The following SHTN1 variants were observed in gnomAD, a reference collection of about 807,000 sequenced individuals.
SHTN1 encodes shootin-1.
SHTN1 carries 42 observed loss-of-function variants against 83.1 expected under a neutral mutation model. The observed-to-expected ratio is 0.51, with a 90% CI of 0.39 to 0.65. SHTN1 has a LOEUF of 0.65. Ranked by LOEUF, SHTN1 falls within the 30% of genes least tolerant of loss-of-function variation. The pLI is 0.00. For missense variants in SHTN1, 622 were observed against 737.8 expected (o/e 0.84, Z 1.82); for synonymous variants, 224 against 247.7 (o/e 0.90, Z 0.90).
At chr10:116,986,930 T>C (rs924880608) in intron 1 of SHTN1, among the ~76,000 whole-genome samples, 1 of 151,948 alleles carries the variant, frequency 6.6e-6, no homozygotes, top group African/African-American at 2.4e-5. Flanking sequence ...GGTTTCACCA[T>C]GTTGGTCAGG....
At chr10:116,947,910 T>C (rs1183340889) in intron 7 of SHTN1, among the ~76,000 whole-genome samples, 1 of 152,172 alleles carries the variant, frequency 6.6e-6, no homozygotes, top group Non-Finnish European at 1.5e-5. Flanking sequence ...CAATCCAGCA[T>C]ATTGCCCACA....
At chr10:116,933,650 T>A (rs150446206) in intron 9 of SHTN1, among the ~76,000 whole-genome samples, 4 of 152,166 alleles carry the variant, frequency 2.6e-5, no homozygotes, top group African/African-American at 9.7e-5. Flanking sequence ...GTCTTTATAG[T>A]AGAACAATTT....
Position 116,983,293 on chromosome 10 carries a change from T to C in SHTN1, c.59-3985A>G, listed in dbSNP as rs553656894. Among the ~76,000 whole-genome samples, 111 of 152,244 alleles carry C rather than the reference T, an allele frequency of 7.3e-4. 2 individuals are homozygous for C. The South Asian group carries it at 0.022, about 30-fold the overall frequency. On this transcript the variant is annotated intron_variant, in intron 1 of 16. Coordinates refer to ENST00000355371, the MANE Select transcript of SHTN1 (RefSeq NM_001127211.3). ...AGAGTATTTGGGCTTATTAACTGTTTAAAACATGTTAGCTATGGTTATTAT... is the reference window on the plus strand; with the variant it reads ...AGAGTATTTGGGCTTATTAACTGTTCAAAACATGTTAGCTATGGTTATTAT...
At chr10:117,024,363 T>C (rs893420952) in intron 2 of SHTN1, among the ~76,000 whole-genome samples, 2 of 145,092 alleles carry the variant, frequency 1.4e-5, no homozygotes, top group Non-Finnish European at 3.0e-5. Flanking sequence ...TTTTTTTTTT[T>C]TTTTTTTTTG....
At chr10:117,013,988 G>A (rs1852144547) in intron 2 of SHTN1, among the ~76,000 whole-genome samples, 2 of 151,970 alleles carry the variant, frequency 1.3e-5, no homozygotes, top group Admixed American at 6.6e-5. Context: ...GCTACTGAGT[G>A]GATACAGTGT....
At chr10:117,087,812 T>A (rs1853371693) in intron 1 of SHTN1, among the ~76,000 whole-genome samples, 1 of 152,158 alleles carries the variant, frequency 6.6e-6, no homozygotes, top group South Asian at 2.1e-4. Flanking sequence ...TGCAACAGAT[T>A]AGCATCCTAA....
At chr10:117,004,416 C>A (rs191680083) in intron 1 of SHTN1, among the ~76,000 whole-genome samples, 3 of 152,052 alleles carry the variant, frequency 2.0e-5, no homozygotes, top group Non-Finnish European at 4.4e-5. Context: ...CTTCGCCCAG[C>A]GTCAACCCTG....
intron 2 of SHTN1, among the ~76,000 whole-genome samples, chr10:117,017,407 C>A (rs1166034465): frequency 1.3e-5 from 2 of 148,554 alleles, no homozygotes; most frequent in South Asian, 4.2e-4. Flanking sequence ...AGGAGAATGG[C>A]GTGAACCCGG....
chr10:116,956,164 T>C (rs1849971131), intron 4 of SHTN1, among the ~76,000 whole-genome samples: 1 of 152,230 alleles, frequency 6.6e-6, no homozygotes, highest in Admixed American at 6.5e-5. Context: ...GCCATCAGAA[T>C]CTCTGGAGAG....
At chr10:117,088,992 G>A (rs1471825060) in intron 1 of SHTN1, among the ~76,000 whole-genome samples, 1 of 152,116 alleles carries the variant, frequency 6.6e-6, no homozygotes, top group Admixed American at 6.5e-5. Context: ...CATTATTATT[G>A]AGTGCTGGTG....
intron 1 of SHTN1, among the ~76,000 whole-genome samples, chr10:117,085,105 G>C (rs971377157): frequency 5.9e-5 from 9 of 152,064 alleles, no homozygotes; most frequent in African/African-American, 2.2e-4. Flanking sequence ...AACAGCTTTT[G>C]GTTTCATTGA....
intron 16 of SHTN1, chr10:116,900,872 T>C (rs968398471): frequency 9.1e-6 from 9 of 985,056 alleles, no homozygotes; most frequent in Non-Finnish European, 1.1e-5. Context: ...AAAAAGTTAA[T>C]AGTAGCAATG....
At chr10:116,893,037 C>T (rs1247249563) in intron 16 of SHTN1, among the ~76,000 whole-genome samples, 1 of 152,174 alleles carries the variant, frequency 6.6e-6, no homozygotes, top group East Asian at 1.9e-4. Flanking sequence ...TTGAGAATTA[C>T]TCAGCAGCAT....
chr10:116,900,744 A>G (rs1403143765), intron 16 of SHTN1: 1 of 984,260 alleles, frequency 1.0e-6, no homozygotes, highest in Non-Finnish European at 1.2e-6. Flanking sequence ...AACTGTTCAA[A>G]TGACTCTAGT....
chr10:117,095,662 T>C (rs1221141113), intron 1 of SHTN1, among the ~76,000 whole-genome samples: 2 of 152,184 alleles, frequency 1.3e-5, no homozygotes, highest in African/African-American at 2.4e-5. Context: ...GGACAGAAAA[T>C]AGAATATCTG....
At chr10:116,978,106 A>G (rs1850874310) in intron 2 of SHTN1, among the ~76,000 whole-genome samples, 3 of 152,196 alleles carry the variant, frequency 2.0e-5, no homozygotes, top group Non-Finnish European at 4.4e-5. Flanking sequence ...GAGCCTTAAA[A>G]CTAGGTGAAA....
intron 2 of SHTN1, among the ~76,000 whole-genome samples, chr10:116,974,907 G>A (rs1478150652): frequency 1.3e-5 from 2 of 152,154 alleles, no homozygotes; most frequent in African/African-American, 2.4e-5. Flanking sequence ...AATTGTGGAG[G>A]CATGACTAAC....
chr10:117,001,240 C>T lies in SHTN1; in HGVS notation c.58+3782G>A, dbSNP rs193033189. 3.3e-3 allele frequency among the ~76,000 whole-genome samples: 496 copies of T among 151,730 alleles called. 1 individual carries two copies. Among genetic ancestry groups the T allele is most frequent in the Middle Eastern group, 6.8e-3 (2 of 294 alleles). ...TTGAACATAAGCAATCACACACTGGCTAATTTTTTTTAAAGGGACATAATA... is the reference window on the plus strand; with the variant it reads ...TTGAACATAAGCAATCACACACTGGTTAATTTTTTTTAAAGGGACATAATA... On this transcript the variant is annotated intron_variant, in intron 1 of 16. Coordinates refer to ENST00000355371, the MANE Select transcript of SHTN1 (RefSeq NM_001127211.3).
chr10:116,881,624 A>G lies in SHTN1; in HGVS notation c.*4720T>C, dbSNP rs1847017976. The G allele has an allele frequency of 6.5e-7, 1 of 1,550,252 alleles. No individual in the cohort carries two copies. Among genetic ancestry groups the G allele is most frequent in the South Asian group, 1.2e-5 (1 of 83,998 alleles). On this transcript the variant is annotated 3_prime_UTR_variant, in exon 17 of 17. Transcript: ENST00000355371. ...AGCCGCTGGTGCCCACCTTCCCCAC[A>G]CAAGGTGTAGAGGAATCAGCCGAAA...
Sources: allele counts gnomAD v4.1 joint callset (sites outside exome capture counted in the v4.1 genomes callset), GRCh38; gene constraint gnomAD v4.1.1; transcripts MANE v1.5; gene names NCBI Gene and HGNC (gene_info 2026-07-23, HGNC 2026-07-21).